Variants in CSMD1 observed in about 807,000 individuals in gnomAD.
CSMD1 encodes CUB and Sushi multiple domains 1, also known as CUB and sushi domain-containing protein 1.
In CSMD1, 213 loss-of-function variants were observed where a neutral mutation model predicts 417.5. That is an observed-to-expected ratio of 0.51 (90% CI 0.46 to 0.57). CSMD1 has a LOEUF of 0.57. Among genes scored for constraint, CSMD1 ranks in the 20% least tolerant of loss-of-function variants. The pLI, the probability that CSMD1 is intolerant of heterozygous loss-of-function variation, is 0.00. For missense variants in CSMD1, 6,923 were observed against 4,529.7 expected, an observed-to-expected ratio of 1.53 and a Z score of -15.17; for synonymous variants, 2,862 against 1,736.8, an observed-to-expected ratio of 1.65 and a Z score of -16.11.
At chr8:4,038,139 T>C (rs1333384756) in intron 3 of CSMD1, among the ~76,000 whole-genome samples, 5 of 152,138 alleles carry the variant, frequency 3.3e-5, no homozygotes, top group Non-Finnish European at 7.4e-5. Context: ...AGTCACTGAT[T>C]GGTGACACAA....
intron 65 of CSMD1, among the ~76,000 whole-genome samples, chr8:2,952,476 G>A (rs974709817): frequency 1.6e-4 from 24 of 152,160 alleles, no homozygotes; most frequent in African/African-American, 5.8e-4. Flanking sequence ...GCCTTTTGTA[G>A]ACCCCACTTT....
At chr8:3,648,082 G>A (rs1444993452) in intron 7 of CSMD1, among the ~76,000 whole-genome samples, 1 of 152,198 alleles carries the variant, frequency 6.6e-6, no homozygotes, top group Non-Finnish European at 1.5e-5. Flanking sequence ...GGATGGATGT[G>A]TTCTAGCTGC....
chr8:4,535,961 T>A (rs1278242930), intron 2 of CSMD1, among the ~76,000 whole-genome samples: 1 of 151,616 alleles, frequency 6.6e-6, no homozygotes, highest in Non-Finnish European at 1.5e-5. Flanking sequence ...ACAATGTTGA[T>A]GTAATTATTT....
chr8:4,685,185 A>C (rs1168697916), intron 1 of CSMD1, among the ~76,000 whole-genome samples: 1 of 152,258 alleles, frequency 6.6e-6, no homozygotes, highest in East Asian at 1.9e-4. Context: ...AAAGGGCACA[A>C]GGAATCTCAA....
At position 3,474,582 on chromosome 8, in the gene CSMD1, T is replaced by C. The variant is rs76548389; in HGVS notation, c.1449-5758A>G. Among the ~76,000 whole-genome samples, 404 of 152,328 alleles carry C rather than the reference T, an allele frequency of 2.7e-3. 4 individuals are homozygous for C. The highest frequency in any genetic ancestry group is 9.4e-3 in the African/African-American group (390 of 41,572). ...AATATTAGGAGTGTTTTGGTCTTTA[T>C]GCAGAAGTTTGGTCTTGCTTTTTGT... On this transcript the variant is annotated intron_variant, in intron 11 of 69. Transcript: ENST00000635120.
At chr8:4,049,728 G>C (rs1039762174) in intron 3 of CSMD1, among the ~76,000 whole-genome samples, 14 of 152,080 alleles carry the variant, frequency 9.2e-5, no homozygotes, top group Admixed American at 9.2e-4. Context: ...TTAAAAATTT[G>C]TTTTAAAGTT....
At chr8:3,682,581 G>A (rs139539131) in intron 7 of CSMD1, among the ~76,000 whole-genome samples, 1 of 151,970 alleles carries the variant, frequency 6.6e-6, no homozygotes, top group African/African-American at 2.4e-5. Context: ...GGAACACTTT[G>A]ACACTGTTGG....
chr8:3,902,615 G>A (rs1470781618), intron 5 of CSMD1, among the ~76,000 whole-genome samples: 2 of 152,098 alleles, frequency 1.3e-5, no homozygotes, highest in African/African-American at 4.8e-5. Context: ...TGTCGCCGCC[G>A]ATCTGAGAGG....
chr8:2,990,745 C>A (rs181476373), intron 54 of CSMD1, among the ~76,000 whole-genome samples: 1 of 152,160 alleles, frequency 6.6e-6, no homozygotes. Flanking sequence ...ATGCTCTCTA[C>A]CCTGGAAGAG....
intron 2 of CSMD1, among the ~76,000 whole-genome samples, chr8:4,519,936 CGTGTGTGTGT>C (rs67711521): frequency 6.8e-6 from 1 of 146,994 alleles, no homozygotes; most frequent in East Asian, 2.0e-4. Flanking sequence ...TGTGTGTGTG[CGTGTGTGTGT>C]GTGTGTGTGT....
Position 3,426,757 on chromosome 8 carries a change from T to G in CSMD1, c.1562-17152A>C, listed in dbSNP as rs1028025617. ...ACTAAAATGTAGGCCTGACATAAAC[T>G]AATTGGTGCTAAGTTATATTTAATG... On this transcript the variant is annotated intron_variant, in intron 12 of 69. Coordinates refer to ENST00000635120, the MANE Select transcript of CSMD1 (RefSeq NM_033225.6). Among the ~76,000 whole-genome samples the G allele has an allele frequency of 1.4e-4, 22 of 152,182 alleles. 1 individual carries two copies.
chr8:4,311,518 T>C (rs1798568831), intron 3 of CSMD1, among the ~76,000 whole-genome samples: 1 of 151,544 alleles, frequency 6.6e-6, no homozygotes, highest in African/African-American at 2.4e-5. Context: ...AGATCAGGAG[T>C]TCGAGACCAG....
intron 5 of CSMD1, among the ~76,000 whole-genome samples, chr8:3,824,760 G>T (rs1229594483): frequency 2.6e-5 from 4 of 151,936 alleles, no homozygotes; most frequent in Non-Finnish European, 5.9e-5. Context: ...GGCTCACATT[G>T]GTGGCTCACA....
At chr8:3,583,450 T>C (rs73489503) in intron 9 of CSMD1, among the ~76,000 whole-genome samples, 4,342 of 152,054 alleles carry the variant, frequency 0.029, 185 homozygotes, top group African/African-American at 0.098. Context: ...GAGATATTCC[T>C]GGAAACCGAA....
At chr8:4,083,141 G>A (rs567063190) in intron 3 of CSMD1, among the ~76,000 whole-genome samples, 2 of 152,184 alleles carry the variant, frequency 1.3e-5, no homozygotes, top group African/African-American at 4.8e-5. Context: ...GTAACGGGAT[G>A]GCTGGGTCAA....
At chr8:4,840,466 C>T (rs765117936) in intron 1 of CSMD1, among the ~76,000 whole-genome samples, 6 of 152,096 alleles carry the variant, frequency 3.9e-5, no homozygotes, top group Non-Finnish European at 7.4e-5. Flanking sequence ...TACGATATAA[C>T]ACGTTAGGTC....
chr8:4,657,937 C>CTGA (rs1251215803), intron 1 of CSMD1, among the ~76,000 whole-genome samples: 1 of 151,884 alleles, frequency 6.6e-6, no homozygotes, highest in African/African-American at 2.4e-5. Context: ...AGTACAATAA[C>CTGA]TGATGCTATA....
intron 2 of CSMD1, among the ~76,000 whole-genome samples, chr8:4,486,082 T>C (rs1801362434): frequency 6.7e-6 from 1 of 148,932 alleles, no homozygotes; most frequent in African/African-American, 2.5e-5. Flanking sequence ...AATTTCTCTT[T>C]CTCTTTCATC....
intron 3 of CSMD1, among the ~76,000 whole-genome samples, chr8:4,096,994 A>T (rs1225864335): frequency 1.3e-5 from 2 of 152,204 alleles, no homozygotes; most frequent in Non-Finnish European, 2.9e-5. Flanking sequence ...ATGGGCAGAG[A>T]TAAAATCTTT....
Sources: allele counts gnomAD v4.1 joint callset (sites outside exome capture counted in the v4.1 genomes callset), GRCh38; gene constraint gnomAD v4.1.1; transcripts MANE v1.5; gene names NCBI Gene and HGNC (gene_info 2026-07-23, HGNC 2026-07-21).